ZNF337: variants seen among roughly 807,000 people sequenced by gnomAD.
ZNF337 encodes zinc finger protein 337.
Under a neutral mutation model 12.1 loss-of-function variants are expected in ZNF337, and 8 were observed. That is an observed-to-expected ratio of 0.66 (90% CI 0.39 to 1.19). The LOEUF is 1.19. ZNF337 is among the 50% of genes most tolerant of loss of function. The pLI, the probability that ZNF337 is intolerant of heterozygous loss-of-function variation, is 0.01. For missense variants in ZNF337, 882 were observed against 896.6 expected (o/e 0.98, Z 0.21); for synonymous variants, 336 against 320.0 (o/e 1.05, Z -0.53).
rs766880931 is a variant in ZNF337 at position 25,675,708 on chromosome 20, A to C, written c.1580T>G (p.Leu527Trp). 2.5e-6 allele frequency: 4 copies of C among 1,610,156 alleles called. No individual in the cohort carries two copies. Among genetic ancestry groups the C allele is most frequent in the African/African-American group, 1.4e-5 (1 of 73,664 alleles). ...FCRDCGRGFT[L>W]KPNLTIHQRT... ...CTGATGTATGGTGAGATTTGGCTTC[A>C]AGGTAAAGCCTCGCCCACAATCCCT... is the stretch of plus-strand genomic sequence containing the variant. The change falls in exon 5 of 5, where the codon TTG becomes TGG. Residue 527 changes from leucine to tryptophan, a missense_variant. Leu to Trp is a moderately conservative substitution (Grantham distance 61). Transcript: ENST00000252979.
chr20:25,680,890 T>C (rs956124357), intron 4 of ZNF337: 7 of 152,198 alleles, frequency 4.6e-5, no homozygotes, highest in African/African-American at 1.7e-4. Context: ...ATTCACACTT[T>C]CAGAAGTCAG....
At chr20:25,677,540 C>CT (rs950578096) in intron 4 of ZNF337, 51 of 147,950 alleles carry the variant, frequency 3.4e-4, no homozygotes, top group East Asian at 5.9e-4. Context: ...ATGATAAAAA[C>CT]TTTTTTTTTT....
chr20:25,677,142 A>C, intron 4 of ZNF337, 105 bp from the exon 5 acceptor site: 1 of 956,606 alleles, frequency 1.0e-6, no homozygotes, highest in Non-Finnish European at 1.5e-6. Flanking sequence ...ATAAACTCAT[A>C]AAGAACAACA....
rs370233494 is a variant in ZNF337, at chr20:25,676,308, C to T, written c.980G>A (p.Arg327Gln). The T allele has an allele frequency of 3.2e-5, 51 of 1,613,892 alleles. No homozygotes were observed. In the East Asian group the frequency reaches 3.8e-4, roughly 12 times the overall value. ...GAAGTATGACTTATTAGTATAGCCTCGCCCACACTCCTTGCACACAAAAGG... is the reference window on the plus strand; with the variant it reads ...GAAGTATGACTTATTAGTATAGCCTTGCCCACACTCCTTGCACACAAAAGG... ...EKPFVCKECG[R>Q]GYTNKSYFVV... is the part of the protein sequence containing the mutation. The change falls in exon 5 of 5, where the codon CGA (arginine) becomes CAA (glutamine). Residue 327 changes from arginine to glutamine, a missense_variant. Physicochemically the swap from Arg to Gln is conservative, Grantham distance 43. Transcript: ENST00000252979.
At chr20:25,689,298 C>T (rs555224268) in intron 1 of ZNF337, among the ~76,000 whole-genome samples, 66 of 151,656 alleles carry the variant, frequency 4.4e-4, no homozygotes, top group Middle Eastern at 3.4e-3. Context: ...AGCAAGACTC[C>T]GCATCAAGAA....
chr20:25,682,406 C>T (rs2065778233), intron 4 of ZNF337, among the ~76,000 whole-genome samples: 1 of 152,062 alleles, frequency 6.6e-6, no homozygotes, highest in Admixed American at 6.6e-5. Flanking sequence ...TCCTACAAAA[C>T]TTAGTAGATA....
intron 1 of ZNF337, among the ~76,000 whole-genome samples, chr20:25,687,441 T>A (rs1436631698): frequency 1.3e-5 from 2 of 151,990 alleles, no homozygotes; most frequent in Admixed American, 6.6e-5. Flanking sequence ...ACTAAAAAAA[T>A]AAAATTAAAA....
rs779568703 is a variant in ZNF337, at chr20:25,676,643, C to A, written c.645G>T (p.Gln215His). The A allele has an allele frequency of 6.2e-7, 1 of 1,614,174 alleles. No individual in the cohort carries two copies. Among genetic ancestry groups the A allele is most frequent in the South Asian group, 1.1e-5 (1 of 91,082 alleles). Residue 215 changes from glutamine (Q) to histidine (H), a missense_variant, in exon 5 of 5, where the codon CAG (glutamine) becomes CAT (histidine). By Grantham distance (24) the Gln-to-His change is conservative (BLOSUM62 0). Coordinates refer to ENST00000252979, the MANE Select transcript of ZNF337 (RefSeq NM_015655.4). Reference protein sequence around the residue: ...QKLFTCRECHQGFRDESALLL... With the variant: ...QKLFTCRECHHGFRDESALLL... ...GCAATGCTGACTCATCTCTAAAGCC[C>A]TGGTGACACTCCCTGCATGTAAAAA...
chr20:25,686,262 A>G (rs1317899968), intron 2 of ZNF337, 129 bp downstream of exon 2: 1 of 1,486,452 alleles, frequency 6.7e-7, no homozygotes, highest in East Asian at 2.3e-5. Context: ...GGAGGACGCC[A>G]GGAAAGACAG....
intron 2 of ZNF337, 32 bp from the exon 3 acceptor site, chr20:25,686,154 G>C (rs977312335): frequency 6.2e-7 from 1 of 1,613,034 alleles, no homozygotes; most frequent in Non-Finnish European, 8.5e-7. Flanking sequence ...TGCTCACCAG[G>C]GACAGTGTTG....
At chr20:25,688,622 G>C (rs1025253966) in intron 1 of ZNF337, among the ~76,000 whole-genome samples, 1 of 152,152 alleles carries the variant, frequency 6.6e-6, no homozygotes, top group Non-Finnish European at 1.5e-5. Context: ...TTTTTACCCT[G>C]AATAGGTGTG....
intron 1 of ZNF337, among the ~76,000 whole-genome samples, chr20:25,690,010 G>A (rs913572136): frequency 6.6e-6 from 1 of 152,220 alleles, no homozygotes; most frequent in African/African-American, 2.4e-5. Context: ...AGCTGGCTGG[G>A]CACAGTGGCT....
chr20:25,682,652 G>A lies in ZNF337; in HGVS notation c.250+2915C>T, dbSNP rs113292733. Among the ~76,000 whole-genome samples, 58 of 152,142 alleles carry A rather than the reference G, an allele frequency of 3.8e-4. 1 individual carries two copies. The highest frequency in any genetic ancestry group is 1.4e-3 in the African/African-American group (58 of 41,502). ...GTTCAAAACCAGCCTGGCCAACATG[G>A]TGAAACCTCTCTCTACTAAAAATAC... On this transcript the variant is annotated intron_variant, in intron 4 of 4. Coordinates refer to ENST00000252979, the MANE Select transcript of ZNF337 (RefSeq NM_015655.4).
chr20:25,685,760 A>C, intron 3 of ZNF337, 98 bp from the exon 4 acceptor site: 2 of 1,243,870 alleles, frequency 1.6e-6, no homozygotes, highest in Non-Finnish European at 2.3e-6. Context: ...GGAGAATCAG[A>C]GGGGGAAGGC....
intron 4 of ZNF337, 130 bp downstream of exon 4, chr20:25,685,437 C>G: frequency 1.4e-6 from 1 of 698,004 alleles, no homozygotes; most frequent in Admixed American, 2.4e-5. Flanking sequence ...GGAAGGAAGG[C>G]AGGGCCAGGT....
chr20:25,685,425 C>G, intron 4 of ZNF337, 142 bp downstream of exon 4: 1 of 669,596 alleles, frequency 1.5e-6, no homozygotes, highest in South Asian at 1.9e-5. Flanking sequence ...TCAGCAAGGA[C>G]TGGAAGGAAG....
chr20:25,685,875 C>T (rs2065826472), intron 3 of ZNF337, 121 bp downstream of exon 3: 2 of 1,467,616 alleles, frequency 1.4e-6, no homozygotes, highest in Admixed American at 2.2e-5. Context: ...TGAAACTTTA[C>T]CAAAGCCAGA....
chr20:25,692,689 G>A (rs2065891265), intron 1 of ZNF337, among the ~76,000 whole-genome samples: 1 of 152,144 alleles, frequency 6.6e-6, no homozygotes, highest in African/African-American at 2.4e-5. Flanking sequence ...TCTCACTCCT[G>A]CCATCTGTTG....
intron 1 of ZNF337, among the ~76,000 whole-genome samples, chr20:25,695,257 C>G (rs1375447281): frequency 6.6e-6 from 1 of 152,006 alleles, no homozygotes; most frequent in Non-Finnish European, 1.5e-5. Context: ...GGCGACAGAG[C>G]AAGACTCTCT....
Sources: gnomAD v4.1 joint callset for allele counts (sites outside exome capture counted in the v4.1 genomes callset) on GRCh38, gnomAD v4.1.1 for gene constraint, MANE v1.5 for transcripts, NCBI Gene and HGNC (gene_info 2026-07-23, HGNC 2026-07-21) for gene names.